The following RESP18 variants were observed in gnomAD, a reference collection of about 807,000 sequenced individuals.
The protein encoded by RESP18 is regulated endocrine specific protein 18.
In RESP18, 30 loss-of-function variants were observed where a neutral mutation model predicts 30.0. The observed-to-expected ratio is 1.00, with a 90% CI of 0.75 to 1.36. The LOEUF (loss-of-function observed/expected upper bound fraction) is 1.36, where lower values mean the gene tolerates loss of function less well. RESP18 is among the 40% of genes most tolerant of loss of function. RESP18 has a pLI of 0.00. For synonymous variants in RESP18, 117 were observed against 111.2 expected, an observed-to-expected ratio of 1.05 and a Z score of -0.33; for missense variants, 320 against 284.2, an observed-to-expected ratio of 1.13 and a Z score of -0.91.
At chr2:219,332,099 C>G (rs924708798) in intron 2 of RESP18, among the ~76,000 whole-genome samples, 5 of 152,184 alleles carry the variant, frequency 3.3e-5, no homozygotes, top group Admixed American at 6.5e-5. Context: ...TTTCCCTCAG[C>G]GGTCCCCTTA....
In RESP18 at chr2:219,329,200, G is replaced by T. The variant is rs1952804496; in HGVS notation, c.518C>A (p.Ser173Tyr). The change falls in exon 5 of 7, where the codon TCT becomes TAT. Residue 173 changes from serine to tyrosine, a missense_variant. Physicochemically the swap from Ser to Tyr is moderately radical, Grantham distance 144. Coordinates refer to ENST00000333527, the MANE Select transcript of RESP18 (RefSeq NM_001007089.4). ...GGCCACCTCTTGTTTCAGGGCCTTA[G>T]AAACCACTTCGGAGGTAAAGCACTG... The T allele has an allele frequency of 3.9e-6, 6 of 1,551,676 alleles. No individual in the cohort carries two copies. Among genetic ancestry groups the T allele is most frequent in the Non-Finnish European group, 4.4e-6 (5 of 1,146,994 alleles).
intron 2 of RESP18, 172 bp from the exon 2 acceptor site, chr2:219,331,047 C>T: frequency 1.7e-6 from 1 of 572,902 alleles, no homozygotes; most frequent in Non-Finnish European, 3.1e-6. Context: ...CCTCCATCAC[C>T]ACTTGCCATA....
At chr2:219,329,845 A>C in intron 3 of RESP18, 81 bp from the exon 3 acceptor site, 14 of 1,366,822 alleles carry the variant, frequency 1.0e-5, no homozygotes, top group Non-Finnish European at 1.2e-5. Flanking sequence ...CCTTTCTCTC[A>C]AGTATATATT....
intron 6 of RESP18, 64 bp from the exon 6 acceptor site, chr2:219,327,627 G>A: frequency 1.5e-6 from 2 of 1,354,170 alleles, no homozygotes; most frequent in Non-Finnish European, 2.1e-6. Flanking sequence ...TCCCTCATCT[G>A]CCCTCCTTCC....
chr2:219,330,956 A>G, intron 2 of RESP18, 81 bp from the exon 2 acceptor site: 1 of 812,512 alleles, frequency 1.2e-6, no homozygotes, highest in Non-Finnish European at 2.1e-6. Flanking sequence ...GCTTCCTTGT[A>G]CTGTCACTCC....
intron 1 of RESP18, chr2:219,333,047 T>A (rs890388045): frequency 1.8e-4 from 177 of 963,066 alleles, no homozygotes; most frequent in Non-Finnish European, 2.5e-4. Flanking sequence ...TCCTTGACAC[T>A]CTTTACTCTG....
intron 3 of RESP18, among the ~76,000 whole-genome samples, chr2:219,330,527 T>C (rs1324048145): frequency 7.1e-6 from 1 of 141,154 alleles, no homozygotes; most frequent in African/African-American, 3.2e-5. Context: ...CTGGCCGTTT[T>C]CAGTTTTGTT....
chr2:219,330,530 G>GTT (rs142399935), intron 3 of RESP18, among the ~76,000 whole-genome samples: 2,079 of 136,604 alleles, frequency 0.015, 63 homozygotes, highest in African/African-American at 0.066. Context: ...GCCGTTTTCA[G>GTT]TTTTGTTTTT....
Position 219,332,646 on chromosome 2 carries a change from C to T in RESP18, c.110G>A (p.Arg37His). 6.4e-7 allele frequency: 1 copy of T among 1,551,378 alleles called. No homozygotes were observed. Among genetic ancestry groups the T allele is most frequent in the Non-Finnish European group, 8.7e-7 (1 of 1,146,950 alleles). The change falls in exon 2 of 7, where the codon CGC becomes CAC. Residue 37 changes from arginine to histidine, a missense_variant. By Grantham distance (29) the Arg-to-His change is conservative (BLOSUM62 0). Coordinates refer to ENST00000333527, the MANE Select transcript of RESP18 (RefSeq NM_001007089.4). ...GTGCTGTATCCTCCCAGGCTCGGCG[C>T]GCTCACTCCCCGGCCAAGTCTCAGT...
chr2:219,331,809 G>A (rs1952834309), intron 2 of RESP18, among the ~76,000 whole-genome samples: 1 of 152,212 alleles, frequency 6.6e-6, no homozygotes, highest in African/African-American at 2.4e-5. Context: ...GAATGTGGGC[G>A]AGACATCTCC....
intron 1 of RESP18, chr2:219,333,114 T>A (rs1005019874): frequency 1.8e-5 from 15 of 812,586 alleles, no homozygotes; most frequent in Middle Eastern, 8.9e-4. Flanking sequence ...TATATATATA[T>A]AATATTATAT....
intron 6 of RESP18, among the ~76,000 whole-genome samples, 172 bp downstream of exon 5, chr2:219,328,752 G>T (rs930279522): frequency 6.6e-6 from 1 of 152,190 alleles, no homozygotes; most frequent in Non-Finnish European, 1.5e-5. Context: ...ACTTGCCCAG[G>T]CCATAGAGTA....
chr2:219,333,069 A>G (rs551977196), intron 1 of RESP18: 2 of 1,145,550 alleles, frequency 1.7e-6, no homozygotes, highest in South Asian at 2.2e-5. Flanking sequence ...CCCACTTAAA[A>G]CCCTTTAGAA....
chr2:219,328,476 T>A (rs943037943), intron 6 of RESP18, among the ~76,000 whole-genome samples: 1 of 150,864 alleles, frequency 6.6e-6, no homozygotes, highest in Non-Finnish European at 1.5e-5. Context: ...TGTGGAGGAG[T>A]CTGATGTTTG....
intron 2 of RESP18, among the ~76,000 whole-genome samples, chr2:219,331,409 T>TC (rs2125108442): frequency 6.6e-6 from 1 of 152,292 alleles, no homozygotes; most frequent in African/African-American, 2.4e-5. Context: ...ACACCTTCCT[T>TC]CTTCCAGATC....
At chr2:219,330,198 A>C (rs1184484018) in intron 3 of RESP18, among the ~76,000 whole-genome samples, 5 of 152,220 alleles carry the variant, frequency 3.3e-5, no homozygotes, top group Non-Finnish European at 7.3e-5. Context: ...CTGCCAGTCC[A>C]GGGGTGCACT....
intron 1 of RESP18, 94 bp from the exon 1 acceptor site, chr2:219,332,838 C>G: frequency 1.0e-6 from 1 of 974,604 alleles, no homozygotes; most frequent in South Asian, 1.7e-5. Flanking sequence ...ACCCTCATCT[C>G]TTGGAATTCC....
chr2:219,331,013 C>G (rs1952825375), intron 2 of RESP18, 138 bp from the exon 2 acceptor site: 1 of 600,588 alleles, frequency 1.7e-6, no homozygotes, highest in African/African-American at 1.9e-5. Context: ...TTGTCCACTT[C>G]AAGTCTTCTT....
In RESP18 at chr2:219,332,529, G is replaced by A; in HGVS notation, c.227C>T (p.Ala76Val). The A allele has an allele frequency of 6.5e-7, 1 of 1,550,370 alleles. No homozygotes were observed. Among genetic ancestry groups the A allele is most frequent in the South Asian group, 1.2e-5 (1 of 83,996 alleles). ...CCCCCAGGGTTCCTCCTGACCGTGG[G>A]CACTAGTGTCGCTGCAGCCCCCCGG... Residue 76 changes from alanine to valine, a missense_variant, in exon 2 of 7, where the codon GCC becomes GTC. Physicochemically the swap from Ala to Val is moderately conservative, Grantham distance 64 (BLOSUM62 0). Coordinates refer to ENST00000333527, the MANE Select transcript of RESP18 (RefSeq NM_001007089.4).
Sources: allele counts gnomAD v4.1 joint callset (sites outside exome capture counted in the v4.1 genomes callset), GRCh38; gene constraint gnomAD v4.1.1; transcripts MANE v1.5; gene names NCBI Gene and HGNC (gene_info 2026-07-23, HGNC 2026-07-21).